DPRX: variants seen among roughly 807,000 people sequenced by gnomAD.
DPRX encodes the protein divergent paired-related homeobox.
DPRX carries 11 observed loss-of-function variants against 8.4 expected under a neutral mutation model. That is an observed-to-expected ratio of 1.31 (90% CI 0.82 to 2.17). DPRX has a LOEUF of 2.17. DPRX is among the 30% of genes most tolerant of loss of function. The probability of loss-of-function intolerance (pLI) is 0.00; values close to 1 mark genes in which losing one functional copy is unlikely to be tolerated. For missense variants in DPRX, 211 were observed against 236.7 expected (o/e 0.89, Z 0.71); for synonymous variants, 72 against 87.0 (o/e 0.83, Z 0.96).
chr19:53,617,194 G>T, the DPRX span: 1 of 967,572 alleles, frequency 1.0e-6, no homozygotes, highest in Non-Finnish European at 1.7e-6. Flanking sequence ...GTGTCCTATT[G>T]AGTTTTTTTC....
At chr19:53,605,447 G>T in the DPRX span, among the ~76,000 whole-genome samples, 1 of 150,416 alleles carries the variant, frequency 6.6e-6, no homozygotes, top group Non-Finnish European at 1.5e-5. Context: ...CGCGATCTTA[G>T]CTCACAGCAA....
the DPRX span, among the ~76,000 whole-genome samples, chr19:53,623,348 G>A: frequency 1.0e-5 from 1 of 97,880 alleles, no homozygotes; most frequent in Non-Finnish European, 2.3e-5. Flanking sequence ...TAAATAAAAG[G>A]CCATTCCTGG....
chr19:53,623,137 C>G, the DPRX span, among the ~76,000 whole-genome samples: 1 of 150,670 alleles, frequency 6.6e-6, no homozygotes, highest in African/African-American at 2.4e-5. Flanking sequence ...AACCCTGTAT[C>G]TACCAAAAAT....
At chr19:53,616,451 A>T in the DPRX span, among the ~76,000 whole-genome samples, 1 of 151,552 alleles carries the variant, frequency 6.6e-6, no homozygotes, top group South Asian at 2.1e-4. Flanking sequence ...TCCCAGTGTC[A>T]TTTATTTAAA....
the DPRX span, among the ~76,000 whole-genome samples, chr19:53,604,785 G>A: frequency 6.6e-6 from 1 of 151,146 alleles, no homozygotes. Flanking sequence ...GGAGGTTGCA[G>A]TGAGCTGAGA....
At chr19:53,620,346 G>C in the DPRX span, among the ~76,000 whole-genome samples, 2 of 151,800 alleles carry the variant, frequency 1.3e-5, no homozygotes, top group African/African-American at 2.4e-5. Flanking sequence ...TGACATTACA[G>C]GTGTGAGCCA....
At chr19:53,603,105 G>T in the DPRX span, among the ~76,000 whole-genome samples, 1,195 of 151,334 alleles carry the variant, frequency 7.9e-3, 7 homozygotes, top group South Asian at 0.014. Context: ...AGACTACAGT[G>T]CAGTGGTGTG....
At chr19:53,630,929 C>T (rs2091090258), upstream of DPRX, among the ~76,000 whole-genome samples, 1 of 151,980 alleles carries the variant, frequency 6.6e-6, no homozygotes, top group East Asian at 2.0e-4. Flanking sequence ...TCACTGCAAC[C>T]TCTGCCTCCT....
chr19:53,602,312 G>GTGTGTGTGTGTGTGTGTGTGTGTC, the DPRX span: 1 of 316,102 alleles, frequency 3.2e-6, no homozygotes, highest in African/African-American at 2.4e-5. Flanking sequence ...GTGTGTGTGT[G>GTGTGTGTGTGTGTGTGTGTGTGTC]CCAGCCTCCC....
In DPRX at chr19:53,634,660, T is replaced by C. The variant is rs2091105603; in HGVS notation, c.158T>C (p.Ile53Thr). Residue 53 changes from isoleucine to threonine, a missense_variant, in exon 2 of 3, where the codon ATA becomes ACA. Transcript: ENST00000376650. ...CTTCAGAAAGAAATGGCCTCGAAAA[T>C]AGACATACACCCAACAGTACTGCAG... The C allele has an allele frequency of 5.6e-6, 9 of 1,613,732 alleles. No homozygotes were observed. The highest frequency in any genetic ancestry group is 7.6e-6 in the Non-Finnish European group (9 of 1,179,886).
At chr19:53,608,953 C>CAAAAAAAA in the DPRX span, among the ~76,000 whole-genome samples, 8 of 76,920 alleles carry the variant, frequency 1.0e-4, no homozygotes, top group Admixed American at 3.5e-4. Context: ...GAGACTCCGT[C>CAAAAAAAA]AAAAAAAAAA....
At chr19:53,621,826 C>T in the DPRX span, among the ~76,000 whole-genome samples, 1 of 152,080 alleles carries the variant, frequency 6.6e-6, no homozygotes, top group Non-Finnish European at 1.5e-5. Context: ...AAAATAGTTT[C>T]TGCACATTCT....
chr19:53,618,512 T>C, the DPRX span, among the ~76,000 whole-genome samples: 1 of 151,500 alleles, frequency 6.6e-6, no homozygotes, highest in Non-Finnish European at 1.5e-5. Context: ...AGCTCATGCC[T>C]GTAATCCTAG....
the DPRX span, among the ~76,000 whole-genome samples, chr19:53,627,051 C>A: frequency 6.6e-6 from 1 of 152,076 alleles, no homozygotes; most frequent in East Asian, 1.9e-4. Flanking sequence ...CCAATTTAAT[C>A]CCTCTAAACA....
At chr19:53,634,414 G>C in intron 1 of DPRX, 117 bp from the exon 2 acceptor site, 1 of 1,336,650 alleles carries the variant, frequency 7.5e-7, no homozygotes, top group Non-Finnish European at 1.0e-6. Flanking sequence ...CTCGGTGACA[G>C]AACCTCAGTC....
At chr19:53,615,056 C>CT in the DPRX span, among the ~76,000 whole-genome samples, 1 of 151,708 alleles carries the variant, frequency 6.6e-6, no homozygotes, top group Non-Finnish European at 1.5e-5. Flanking sequence ...GTTGATCTAT[C>CT]TAATTTTTTT....
chr19:53,623,310 A>AAAATAAACAAAT, the DPRX span, among the ~76,000 whole-genome samples: 15 of 133,936 alleles, frequency 1.1e-4, no homozygotes, highest in African/African-American at 3.8e-4. Context: ...CTGTCTCAAA[A>AAAATAAACAAAT]AAATAAATAA....
chr19:53,601,576 G>A, the DPRX span, among the ~76,000 whole-genome samples: 2 of 151,382 alleles, frequency 1.3e-5, no homozygotes, highest in Non-Finnish European at 2.9e-5. Flanking sequence ...CCGCCTCCTG[G>A]GTTCAAGCGA....
At chr19:53,611,435 G>T in the DPRX span, among the ~76,000 whole-genome samples, 1 of 151,878 alleles carries the variant, frequency 6.6e-6, no homozygotes, top group East Asian at 1.9e-4. Context: ...GTTTTGCCAT[G>T]TTGCCTACAC....
Sources: allele counts gnomAD v4.1 joint callset (sites outside exome capture counted in the v4.1 genomes callset), GRCh38; gene constraint gnomAD v4.1.1; transcripts MANE v1.5; gene names NCBI Gene and HGNC (gene_info 2026-07-23, HGNC 2026-07-21).